The following METTL22 variants were observed in gnomAD, a reference collection of about 807,000 sequenced individuals.
The protein encoded by METTL22 is methyltransferase 22, Kin17 lysine, also known as methyltransferase-like protein 22.
In METTL22, 51 loss-of-function variants were observed where a neutral mutation model predicts 48.4. That is an observed-to-expected ratio of 1.05 (90% CI 0.84 to 1.33). The LOEUF is 1.33. Among genes scored for constraint, METTL22 ranks in the 40% most tolerant of loss-of-function variants. The pLI is 0.00. For synonymous variants in METTL22, 255 were observed against 214.1 expected, an observed-to-expected ratio of 1.19 and a Z score of -1.67; for missense variants, 678 against 526.9, an observed-to-expected ratio of 1.29 and a Z score of -2.81.
At chr16:8,624,590 G>A (rs184707266) in intron 1 of METTL22, among the ~76,000 whole-genome samples, 12 of 152,080 alleles carry the variant, frequency 7.9e-5, no homozygotes, top group African/African-American at 1.2e-4. Flanking sequence ...TTTAAGCCAG[G>A]CATGATGGCT....
chr16:8,661,640 G>A, the METTL22 span, among the ~76,000 whole-genome samples: 89,692 of 107,818 alleles, frequency 0.83, 36,906 homozygotes, highest in East Asian at 1. Context: ...GCGAGACTCC[G>A]TCTCAAAAAA....
the METTL22 span, among the ~76,000 whole-genome samples, chr16:8,665,402 C>T: frequency 4.6e-5 from 7 of 152,162 alleles, no homozygotes; most frequent in Admixed American, 4.6e-4. Context: ...CAGGAGCTGC[C>T]TCTGGGACCC....
At chr16:8,660,834 AGG>A in the METTL22 span, among the ~76,000 whole-genome samples, 1 of 1,118 alleles carries the variant, frequency 8.9e-4, no homozygotes, top group African/African-American at 1.9e-3. Flanking sequence ...GAGGAGGGGG[AGG>A]AGGGGGAGGA....
chr16:8,663,911 G>A, the METTL22 span, among the ~76,000 whole-genome samples: 3 of 151,970 alleles, frequency 2.0e-5, no homozygotes, highest in African/African-American at 7.3e-5. Flanking sequence ...AGAGCATTCA[G>A]CAGTCCCCTC....
chr16:8,642,623 C>G lies in METTL22; in HGVS notation c.1010+58C>G, dbSNP rs901611043. On this transcript the variant is annotated intron_variant, in intron 9 of 10. Transcript: ENST00000381920. ...TCCCGAGTGTCAGCGGAACTCTCAC[C>G]TCCTAATTGTGTCCTTGTCAGTGTC... 2.0e-6 allele frequency: 3 copies of G among 1,482,168 alleles called. No homozygotes were observed. In the African/African-American group the frequency reaches 4.2e-5, roughly 21 times the overall value. 91.8% of individuals were successfully genotyped at this position (1,482,168 alleles called of 1,614,324 possible). A position where few individuals can be genotyped will look rare whatever the true frequency, so the allele number is the denominator to read the frequency against.
At chr16:8,643,166 A>G (rs1350203573) in intron 9 of METTL22, among the ~76,000 whole-genome samples, 1 of 152,200 alleles carries the variant, frequency 6.6e-6, no homozygotes, top group Non-Finnish European at 1.5e-5. Flanking sequence ...AAAACGAAAC[A>G]GACTTCTTCA....
rs750833725 is a variant in METTL22, at chr16:8,629,033, C to T, written c.437C>T (p.Pro146Leu). The change falls in exon 3 of 11, where the codon CCC (proline) becomes CTC (leucine). Residue 146 changes from proline (P) to leucine (L), a missense_variant. Coordinates refer to ENST00000381920, the MANE Select transcript of METTL22 (RefSeq NM_024109.4). Reference sequence around the variant, plus strand: ...GGGCCTCTGAGAGACAAGGTACATCCCATGATTCTAGCACAGGAAGAAGAC... The same window carrying T: ...GGGCCTCTGAGAGACAAGGTACATCTCATGATTCTAGCACAGGAAGAAGAC... ...PAGPLRDKVH[P>L]MILAQEEDDV... 6.2e-7 allele frequency: 1 copy of T among 1,614,068 alleles called. No individual in the cohort carries two copies. The highest frequency in any genetic ancestry group is 8.5e-7 in the Non-Finnish European group (1 of 1,180,034).
the METTL22 span, among the ~76,000 whole-genome samples, chr16:8,658,621 A>C: frequency 0.26 from 40,075 of 152,060 alleles, 6,395 homozygotes; most frequent in African/African-American, 0.45. Context: ...ATATCCTGAG[A>C]TGCTGTGAGG....
At chr16:8,640,973 G>GCTGCCTGGCTGT (rs562521267) in intron 6 of METTL22, among the ~76,000 whole-genome samples, 158 bp from the exon 7 acceptor site, 1 of 40,238 alleles carries the variant, frequency 2.5e-5, no homozygotes, top group Non-Finnish European at 5.2e-5. Context: ...TGGCTGGCTG[G>GCTGCCTGGCTGT]CTGGCTGGCT....
rs1324710595 is a variant in METTL22, at chr16:8,646,573, CA to C, written c.*434del. On this transcript the variant is annotated 3_prime_UTR_variant, in exon 11 of 11. Coordinates refer to ENST00000381920, the MANE Select transcript of METTL22 (RefSeq NM_024109.4). ...ATTGCCATCATATTGCCGCTCGGCA[CA>C]AAAGCCTCATTTCCTCCCAGGGTTG... 19 of 466,756 alleles carry C rather than the reference CA, an allele frequency of 4.1e-5. No individual in the cohort carries two copies. In the Admixed American group the frequency reaches 4.4e-4, roughly 11 times the overall value. 28.9% of individuals were successfully genotyped at this position (466,756 alleles called of 1,614,324 possible).
At chr16:8,666,108 G>A in the METTL22 span, among the ~76,000 whole-genome samples, 1 of 152,204 alleles carries the variant, frequency 6.6e-6, no homozygotes, top group Non-Finnish European at 1.5e-5. Flanking sequence ...TCACCCTGAG[G>A]GTGTTCTTTG....
In METTL22 at chr16:8,635,291, G is replaced by C. The variant is rs201724655; in HGVS notation, c.679G>C (p.Ala227Pro). ...CGCTAGCATCATCGCAGCCACCATG[G>C]CACGGACCGTTTATTGTACAGGTAA... ...GLASIIAATM[A>P]RTVYCTDVGA... The change falls in exon 5 of 11, where the codon GCA (alanine) becomes CCA (proline). Residue 227 changes from alanine to proline, a missense_variant. Transcript: ENST00000381920. The C allele has an allele frequency of 2.6e-5, 42 of 1,588,158 alleles. No homozygotes were observed. The highest frequency in any genetic ancestry group is 2.5e-4 in the South Asian group (22 of 88,744).
chr16:8,658,164 T>C, the METTL22 span, among the ~76,000 whole-genome samples: 90,216 of 152,004 alleles, frequency 0.59, 28,809 homozygotes, highest in East Asian at 0.9. Context: ...AGAACCACAG[T>C]GAAGATGGCC....
At position 8,640,273 on chromosome 16, in the gene METTL22, C is replaced by T. The variant is rs1053282262; in HGVS notation, c.773-858C>T. Among the ~76,000 whole-genome samples, 20 of 152,058 alleles carry T rather than the reference C, an allele frequency of 1.3e-4. 1 individual carries two copies. The highest frequency in any genetic ancestry group is 4.8e-4 in the African/African-American group (20 of 41,484). On this transcript the variant is annotated intron_variant, in intron 6 of 10. Coordinates refer to ENST00000381920, the MANE Select transcript of METTL22 (RefSeq NM_024109.4). ...GCTGGTGGAAGCCTTCCCTGACATCCGCTGTCTGACATGAGTTCCTCTCTC... is the reference window on the plus strand; with the variant it reads ...GCTGGTGGAAGCCTTCCCTGACATCTGCTGTCTGACATGAGTTCCTCTCTC...
At chr16:8,654,270 C>CT (rs1474267673), downstream of METTL22, among the ~76,000 whole-genome samples, 1 of 152,168 alleles carries the variant, frequency 6.6e-6, no homozygotes, top group Non-Finnish European at 1.5e-5. Flanking sequence ...GCTTTATAGT[C>CT]TAAGAATTTA....
chr16:8,641,157 G>C lies in METTL22; in HGVS notation c.799G>C (p.Asp267His), dbSNP rs1395833695. 2 of 1,613,972 alleles carry C rather than the reference G, an allele frequency of 1.2e-6. No homozygotes were observed. The highest frequency in any genetic ancestry group is 2.2e-5 in the South Asian group (2 of 91,064). Residue 267 changes from aspartate to histidine, a missense_variant, in exon 7 of 11, where the codon GAC (aspartate) becomes CAC (histidine). Physicochemically the swap from Asp to His is moderately conservative, Grantham distance 81. Coordinates refer to ENST00000381920, the MANE Select transcript of METTL22 (RefSeq NM_024109.4). Reference protein sequence around the residue: ...GGGIVRVKELDWLKDDLCTDP... With the variant: ...GGGIVRVKELHWLKDDLCTDP... ...TGGTATAGTTAGGGTCAAAGAACTG[G>C]ACTGGCTGAAGGACGACCTCTGCAC...
intron 3 of METTL22, among the ~76,000 whole-genome samples, chr16:8,632,411 A>T (rs2056294254): frequency 6.6e-6 from 1 of 152,144 alleles, no homozygotes; most frequent in South Asian, 2.1e-4. Context: ...GCACTTCGTT[A>T]CCCAGGCTGG....
intron 10 of METTL22, chr16:8,645,788 G>T (rs920476048): frequency 4.5e-6 from 2 of 441,726 alleles, no homozygotes; most frequent in African/African-American, 2.1e-5. Flanking sequence ...AAATAAAATT[G>T]TTTATAAAGA....
chr16:8,629,577 A>G (rs1240069323), intron 3 of METTL22, among the ~76,000 whole-genome samples: 2 of 152,116 alleles, frequency 1.3e-5, no homozygotes, highest in Non-Finnish European at 2.9e-5. Flanking sequence ...GTAAATGAAA[A>G]TGAATGGGGC....
Sources: allele counts gnomAD v4.1 joint callset (sites outside exome capture counted in the v4.1 genomes callset), GRCh38; gene constraint gnomAD v4.1.1; transcripts MANE v1.5; gene names NCBI Gene and HGNC (gene_info 2026-07-23, HGNC 2026-07-21).